Variants in CR1 observed in about 807,000 individuals in gnomAD.
CR1 encodes the protein complement receptor type 1.
A neutral mutation model predicts 187.3 loss-of-function variants in CR1; 116 were observed. The observed-to-expected ratio is 0.62, with a 90% CI of 0.53 to 0.72. The LOEUF (loss-of-function observed/expected upper bound fraction) is 0.72, where lower values mean the gene tolerates loss of function less well. Ranked by LOEUF, CR1 falls within the 30% of genes least tolerant of loss-of-function variation. The probability of loss-of-function intolerance (pLI) is 0.00; values close to 1 mark genes in which losing one functional copy is unlikely to be tolerated. For synonymous variants in CR1, 576 were observed against 747.1 expected (o/e 0.77, Z 3.73); for missense variants, 1,731 against 2,110.7 (o/e 0.82, Z 3.52).
At chr1:207,510,724 C>CCCTTCCTTCCTTCCTACCTT (rs1238983933) in intron 3 of CR1, among the ~76,000 whole-genome samples, 4,304 of 89,940 alleles carry the variant, frequency 0.048, 245 homozygotes, top group African/African-American at 0.17. Context: ...GTTATGTATC[C>CCCTTCCTTCCTTCCTACCTT]CCTTCCTTCC....
At chr1:207,517,390 T>A (rs1659838920) in intron 4 of CR1, among the ~76,000 whole-genome samples, 1 of 152,220 alleles carries the variant, frequency 6.6e-6, no homozygotes, top group South Asian at 2.1e-4. Flanking sequence ...TATCATCCTT[T>A]GGAAATATTG....
intron 39 of CR1, among the ~76,000 whole-genome samples, 199 bp downstream of exon 39, chr1:207,612,240 A>C (rs1186334779): frequency 1.3e-5 from 2 of 152,228 alleles, no homozygotes; most frequent in Non-Finnish European, 2.9e-5. Flanking sequence ...TGGCACATAC[A>C]GCTCAATGTC....
intron 32 of CR1, among the ~76,000 whole-genome samples, chr1:207,583,264 A>T (rs1022164979): frequency 6.6e-5 from 10 of 152,248 alleles, no homozygotes; most frequent in African/African-American, 2.4e-4. Context: ...AATTCTATAG[A>T]GAGGTCAAAT....
chr1:207,635,649 G>C (rs917788880), intron 46 of CR1, among the ~76,000 whole-genome samples: 1 of 152,072 alleles, frequency 6.6e-6, no homozygotes, highest in African/African-American at 2.4e-5. Context: ...CTTCCTCAGC[G>C]CAGACCCTTT....
At chr1:207,594,467 A>T (rs1661369206) in intron 35 of CR1, among the ~76,000 whole-genome samples, 1 of 152,146 alleles carries the variant, frequency 6.6e-6, no homozygotes, top group African/African-American at 2.4e-5. Flanking sequence ...GTAGGAGTCC[A>T]GGGGAGGGAT....
chr1:207,502,849 G>A (rs1010978452), intron 1 of CR1, among the ~76,000 whole-genome samples: 5 of 152,158 alleles, frequency 3.3e-5, no homozygotes. Context: ...CCGGGGTCCC[G>A]TGGGCACTAT....
intron 3 of CR1, 163 bp downstream of exon 3, chr1:207,506,976 T>C (rs1006408346): frequency 1.5e-5 from 9 of 591,750 alleles, no homozygotes; most frequent in Non-Finnish European, 2.4e-5. Flanking sequence ...AGCAAAGGTA[T>C]GACAAGATCG....
In CR1 at chr1:207,565,442, GA is replaced by G. The variant is rs545613014; in HGVS notation, c.3867-395del. Among the ~76,000 whole-genome samples the G allele has an allele frequency of 1.5e-3, 224 of 150,208 alleles. 22 individuals are homozygous for G. Among genetic ancestry groups the G allele is most frequent in the African/African-American group, 5.5e-3 (217 of 39,696 alleles). On this transcript the variant is annotated intron_variant, in intron 23 of 46. Transcript: ENST00000367049. ...TTCCCACTTTTCCACTCCAAACTGG[GA>G]GCTGTTTTACTTGCTGTTCCAGGGT...
At chr1:207,510,746 T>TTTCCTTTC (rs1659585598) in intron 3 of CR1, among the ~76,000 whole-genome samples, 1 of 148,450 alleles carries the variant, frequency 6.7e-6, no homozygotes, top group African/African-American at 2.5e-5. Flanking sequence ...TCCTTCCTTC[T>TTTCCTTTC]TTCCTTCCTT....
In CR1 at chr1:207,575,600, G is replaced by A. The variant is rs777209480; in HGVS notation, c.4457G>A (p.Arg1486Gln). 1.7e-5 allele frequency: 28 copies of A among 1,611,646 alleles called. No individual in the cohort carries two copies. The highest frequency in any genetic ancestry group is 1.2e-4 in the African/African-American group (9 of 74,840). Residue 1486 changes from arginine (R) to glutamine (Q), a missense_variant, in exon 28 of 47, where the codon CGA becomes CAA. Transcript: ENST00000367049. ...TTTCCATTTTTTGCCTTTAGGCACC[G>A]ACTCATTGGTCACTCATCTGCTGAA... ...RINYSCTTGH[R>Q]LIGHSSAECI...
intron 1 of CR1, among the ~76,000 whole-genome samples, chr1:207,499,712 G>A (rs1468519078): frequency 1.3e-5 from 2 of 152,192 alleles, no homozygotes; most frequent in African/African-American, 4.8e-5. Context: ...CCTCATATAG[G>A]ATCTGGTTTG....
At position 207,587,304 on chromosome 1, in the gene CR1, T is replaced by C. The variant is rs1661138717; in HGVS notation, c.5531-82T>C. 1.7e-5 allele frequency: 21 copies of C among 1,201,632 alleles called. No individual in the cohort carries two copies. The South Asian group carries it at 3.2e-4, about 18-fold the overall frequency. The allele number at this position is 1,201,632 out of a possible 1,614,324, so 74.4% of individuals were successfully genotyped here. A position where few individuals can be genotyped will look rare whatever the true frequency, so the allele number is the denominator to read the frequency against. ...AGTCTCTTTGTTTCTGTGATCCACC[T>C]ATCAGCTTAATTGAAGAGAAAGAGG... On this transcript the variant is annotated intron_variant, in intron 33 of 46. Coordinates refer to ENST00000367049, the MANE Select transcript of CR1 (RefSeq NM_000651.6).
At chr1:207,620,403 C>T (rs926882919) in intron 43 of CR1, among the ~76,000 whole-genome samples, 2 of 152,220 alleles carry the variant, frequency 1.3e-5, no homozygotes, top group Admixed American at 6.5e-5. Flanking sequence ...GAGCAGCCGG[C>T]CTGTCTCCCT....
chr1:207,612,132 G>A, intron 39 of CR1, 91 bp downstream of exon 39: 1 of 1,325,982 alleles, frequency 7.5e-7, no homozygotes, highest in Non-Finnish European at 1.1e-6. Context: ...AGCTGACCTA[G>A]TAGATAAGAA....
intron 37 of CR1, among the ~76,000 whole-genome samples, chr1:207,611,358 G>A (rs1468062505): frequency 6.6e-6 from 1 of 152,156 alleles, no homozygotes; most frequent in Non-Finnish European, 1.5e-5. Flanking sequence ...TGGAAGAGTG[G>A]CCAAACCACC....
Position 207,611,735 on chromosome 1 carries a change from C to A in CR1, c.6354C>A (p.Asn2118Lys), listed in dbSNP as rs748760719. The change falls in exon 38 of 47, where the codon AAC becomes AAA. Residue 2118 changes from asparagine to lysine, a missense_variant. Transcript: ENST00000367049. The part of the protein sequence containing the change: ...HGEHTLSHQD[N>K]FSPGQEVFYS... ...AGCATACCCTAAGCCATCAGGACAACTTTTCACCTGGGCAGGAAGTGTTCT... is the reference window on the plus strand; with the variant it reads ...AGCATACCCTAAGCCATCAGGACAAATTTTCACCTGGGCAGGAAGTGTTCT... 6.2e-7 allele frequency: 1 copy of A among 1,613,982 alleles called. No individual in the cohort carries two copies. The highest frequency in any genetic ancestry group is 8.5e-7 in the Non-Finnish European group (1 of 1,179,890).
intron 1 of CR1, among the ~76,000 whole-genome samples, chr1:207,505,456 T>A (rs775002650): frequency 6.6e-6 from 1 of 151,676 alleles, no homozygotes; most frequent in Non-Finnish European, 1.5e-5. Context: ...GAGCCACCAC[T>A]CCTGCACCCC....
chr1:207,593,274 A>G (rs1370432626), intron 35 of CR1, among the ~76,000 whole-genome samples: 1 of 152,126 alleles, frequency 6.6e-6, no homozygotes, highest in Non-Finnish European at 1.5e-5. Context: ...AGACCAATGG[A>G]ACAGAACAGA....
intron 39 of CR1, among the ~76,000 whole-genome samples, chr1:207,612,270 G>C (rs2102388056): frequency 6.6e-6 from 1 of 152,294 alleles, no homozygotes; most frequent in South Asian, 2.1e-4. Context: ...CCTAAATACA[G>C]TCACTGATCT....
Sources: allele counts gnomAD v4.1 joint callset (sites outside exome capture counted in the v4.1 genomes callset), GRCh38; gene constraint gnomAD v4.1.1; transcripts MANE v1.5; gene names NCBI Gene and HGNC (gene_info 2026-07-23, HGNC 2026-07-21).